The following FHIT variants were observed in gnomAD, a reference collection of about 807,000 sequenced individuals.
FHIT encodes the protein fragile histidine triad diadenosine triphosphatase, also known as bis(5'-adenosyl)-triphosphatase.
In FHIT, 19 loss-of-function variants were observed where a neutral mutation model predicts 17.9. The ratio of observed to expected loss-of-function variants is 1.06; its 90% CI spans 0.74 to 1.56. FHIT has a LOEUF of 1.56. FHIT is among the 40% of genes most tolerant of loss of function. The probability of loss-of-function intolerance (pLI) is 0.00; values close to 1 mark genes in which losing one functional copy is unlikely to be tolerated. For synonymous variants in FHIT, 81 were observed against 69.7 expected (o/e 1.16, Z -0.81); for missense variants, 248 against 189.2 (o/e 1.31, Z -1.82).
At chr3:61,198,894 CCGATGATGATGA>C (rs988812968) in intron 2 of FHIT, among the ~76,000 whole-genome samples, 2 of 53,892 alleles carry the variant, frequency 3.7e-5, no homozygotes, top group African/African-American at 1.2e-4. Flanking sequence ...GCTGCCGCCG[CCGATGATGATGA>C]TGATGATGAT....
intron 9 of FHIT, chr3:59,750,377 C>T (rs931258033): frequency 2.7e-5 from 6 of 224,714 alleles, no homozygotes; most frequent in African/African-American, 1.3e-4. Context: ...GAGGTATTGT[C>T]ACCCCATTTA....
chr3:60,302,910 T>A (rs1465559598), intron 5 of FHIT, among the ~76,000 whole-genome samples: 2 of 152,194 alleles, frequency 1.3e-5, no homozygotes, highest in African/African-American at 4.8e-5. Flanking sequence ...AAAGCTTTGA[T>A]GCCATCAGCC....
intron 8 of FHIT, among the ~76,000 whole-genome samples, chr3:59,865,092 C>G (rs1702583701): frequency 6.6e-6 from 1 of 152,120 alleles, no homozygotes; most frequent in African/African-American, 2.4e-5. Flanking sequence ...AAATTATGTA[C>G]TTCATCTTAA....
At chr3:60,813,756 G>T (rs1238361657) in intron 4 of FHIT, among the ~76,000 whole-genome samples, 1 of 152,160 alleles carries the variant, frequency 6.6e-6, no homozygotes, top group Non-Finnish European at 1.5e-5. Context: ...GACATAAAGT[G>T]ATCTCACTTG....
intron 5 of FHIT, among the ~76,000 whole-genome samples, chr3:60,523,717 C>A (rs1443392553): frequency 6.6e-6 from 1 of 152,176 alleles, no homozygotes; most frequent in East Asian, 1.9e-4. Context: ...TTTCTCTCAG[C>A]TGAGGAAATA....
chr3:60,369,164 T>A (rs991403520), intron 5 of FHIT, among the ~76,000 whole-genome samples: 1 of 151,196 alleles, frequency 6.6e-6, no homozygotes, highest in Middle Eastern at 3.4e-3. Context: ...GTAGAGGGGG[T>A]CTCTCACCAT....
intron 8 of FHIT, among the ~76,000 whole-genome samples, chr3:59,871,009 C>G (rs987865244): frequency 2.0e-5 from 3 of 152,108 alleles, no homozygotes; most frequent in African/African-American, 7.2e-5. Flanking sequence ...TGGTCTTCTC[C>G]TTGTTCAATA....
chr3:61,148,951 G>T (rs1340695500), intron 2 of FHIT, among the ~76,000 whole-genome samples: 1 of 152,166 alleles, frequency 6.6e-6, no homozygotes, highest in Non-Finnish European at 1.5e-5. Context: ...TGCTTCTTCT[G>T]GATCTTCATG....
At chr3:61,107,013 C>G (rs891088471) in intron 2 of FHIT, among the ~76,000 whole-genome samples, 1 of 152,066 alleles carries the variant, frequency 6.6e-6, no homozygotes, top group African/African-American at 2.4e-5. Context: ...TAGTGCTTTT[C>G]AAGAAAATAA....
chr3:60,614,108 C>A (rs549811154), intron 4 of FHIT, among the ~76,000 whole-genome samples: 2 of 151,984 alleles, frequency 1.3e-5, no homozygotes, highest in Admixed American at 6.6e-5. Flanking sequence ...TGACTGGACA[C>A]AGACCTGAAG....
intron 3 of FHIT, among the ~76,000 whole-genome samples, chr3:60,933,940 C>T (rs1553772476): frequency 6.6e-6 from 1 of 152,132 alleles, no homozygotes; most frequent in African/African-American, 2.4e-5. Context: ...ATCTATCAGG[C>T]CTCACACCAC....
At chr3:61,037,164 G>A (rs1381310646) in intron 3 of FHIT, among the ~76,000 whole-genome samples, 3 of 152,062 alleles carry the variant, frequency 2.0e-5, no homozygotes, top group African/African-American at 7.2e-5. Context: ...ATCCGTCTCG[G>A]TCTCCCAAAG....
intron 4 of FHIT, among the ~76,000 whole-genome samples, chr3:60,619,287 AAATAAAGG>A (rs2039045451): frequency 6.6e-6 from 1 of 152,228 alleles, no homozygotes; most frequent in Non-Finnish European, 1.5e-5. Flanking sequence ...AATAAAATGT[AAATAAAGG>A]AATATTTTTG....
At chr3:59,886,260 G>T (rs1703618989) in intron 8 of FHIT, 1 of 152,166 alleles carries the variant, frequency 6.6e-6, no homozygotes, top group Non-Finnish European at 1.5e-5. Context: ...TGAGCCTGAG[G>T]CCACATTTCA....
At chr3:60,324,010 G>A (rs1044970351) in intron 5 of FHIT, among the ~76,000 whole-genome samples, 1 of 152,042 alleles carries the variant, frequency 6.6e-6, no homozygotes, top group African/African-American at 2.4e-5. Context: ...CCTGCTTTGA[G>A]GTCTAGAATC....
chr3:60,591,892 A>G (rs990805337), intron 4 of FHIT, among the ~76,000 whole-genome samples: 2 of 151,980 alleles, frequency 1.3e-5, no homozygotes, highest in Non-Finnish European at 2.9e-5. Flanking sequence ...GGGAGAAGAG[A>G]GAGTTCGGGG....
chr3:60,619,506 T>C (rs1045913028), intron 4 of FHIT, among the ~76,000 whole-genome samples: 1 of 150,562 alleles, frequency 6.6e-6, no homozygotes, highest in Admixed American at 6.7e-5. Flanking sequence ...CAGTGTGGTA[T>C]TGGCAAAAGC....
chr3:60,895,681 TC>T (rs1705764699), intron 3 of FHIT, among the ~76,000 whole-genome samples: 1 of 65,744 alleles, frequency 1.5e-5, no homozygotes, highest in Non-Finnish European at 3.9e-5. Flanking sequence ...TTTCTTTCTT[TC>T]TTTCTTTCTT....
chr3:59,846,200 G>A (rs1309191285), intron 8 of FHIT, among the ~76,000 whole-genome samples: 1 of 151,710 alleles, frequency 6.6e-6, no homozygotes, highest in African/African-American at 2.4e-5. Context: ...TTTTGTGTTT[G>A]GTTGATTTCT....
Sources: gnomAD v4.1 joint callset for allele counts (sites outside exome capture counted in the v4.1 genomes callset) on GRCh38, gnomAD v4.1.1 for gene constraint, MANE v1.5 for transcripts, NCBI Gene and HGNC (gene_info 2026-07-23, HGNC 2026-07-21) for gene names.